Variants in PLEKHM3 observed in about 807,000 individuals in gnomAD.
The protein encoded by PLEKHM3 is pleckstrin homology domain containing M3.
Under a neutral mutation model 81.8 loss-of-function variants are expected in PLEKHM3, and 45 were observed. The observed-to-expected ratio is 0.55, with a 90% CI of 0.43 to 0.71. The LOEUF (loss-of-function observed/expected upper bound fraction) is 0.71, where lower values mean the gene tolerates loss of function less well. Ranked by LOEUF, PLEKHM3 falls within the 30% of genes least tolerant of loss-of-function variation. The probability of loss-of-function intolerance (pLI) is 0.00; values close to 1 mark genes in which losing one functional copy is unlikely to be tolerated. For missense variants in PLEKHM3, 788 were observed against 924.3 expected, an observed-to-expected ratio of 0.85 and a Z score of 1.91; for synonymous variants, 352 against 356.4, an observed-to-expected ratio of 0.99 and a Z score of 0.14.
chr2:207,864,283 A>C lies in PLEKHM3; in HGVS notation c.1951-3021T>G, dbSNP rs375351128. On this transcript the variant is annotated intron_variant, in intron 6 of 7. Transcript: ENST00000427836. ...TCTCTGAGGAACCATTAACTCCAATAAACCCCAGTAAGGCATGCTCCTAAT... is the reference window on the plus strand; with the variant it reads ...TCTCTGAGGAACCATTAACTCCAATCAACCCCAGTAAGGCATGCTCCTAAT... Among the ~76,000 whole-genome samples, 84 of 152,334 alleles carry C rather than the reference A, an allele frequency of 5.5e-4. 1 individual carries two copies. The highest frequency in any genetic ancestry group is 2.0e-3 in the African/African-American group (82 of 41,582).
intron 6 of PLEKHM3, among the ~76,000 whole-genome samples, chr2:207,885,321 C>T (rs1329398404): frequency 3.3e-5 from 5 of 152,230 alleles, no homozygotes; most frequent in Admixed American, 3.3e-4. Context: ...TGCCTTGAAG[C>T]TTCCTGGAGT....
chr2:207,977,527 G>T lies in PLEKHM3; in HGVS notation c.670C>A (p.His224Asn). 1 of 1,613,944 alleles carries T rather than the reference G, an allele frequency of 6.2e-7. No individual in the cohort carries two copies. Among genetic ancestry groups the T allele is most frequent in the Non-Finnish European group, 8.5e-7 (1 of 1,179,938 alleles). Residue 224 changes from histidine to asparagine, a missense_variant, in exon 3 of 8, where the codon CAT becomes AAT. Transcript: ENST00000427836. ...KKGYLEIRKDHDSYWQSCYAE... is the reference protein window; with the variant it reads ...KKGYLEIRKDNDSYWQSCYAE... The stretch of plus-strand genomic sequence containing the variant: ...TAACAGCTTTGCCAGTAACTGTCAT[G>T]GTCCTTTCTAATCTCCAGGTAACCC...
intron 2 of PLEKHM3, among the ~76,000 whole-genome samples, chr2:207,986,838 A>ATTTTTTT (rs370986896): frequency 7.9e-6 from 1 of 126,300 alleles, no homozygotes; most frequent in Non-Finnish European, 1.6e-5. Context: ...TGCCCAGCTA[A>ATTTTTTT]TTTTTTTTTT....
At chr2:207,889,061 C>T (rs1687969481) in intron 6 of PLEKHM3, among the ~76,000 whole-genome samples, 1 of 152,018 alleles carries the variant, frequency 6.6e-6, no homozygotes, top group South Asian at 2.1e-4. Context: ...TGGATCTGTC[C>T]AATTACTTTG....
intron 3 of PLEKHM3, among the ~76,000 whole-genome samples, chr2:207,956,395 C>T (rs1473277009): frequency 1.3e-5 from 2 of 152,016 alleles, no homozygotes; most frequent in Non-Finnish European, 2.9e-5. Flanking sequence ...ATCACCTGAA[C>T]CCAGGAGGCG....
chr2:208,004,129 A>G (rs1477096892), intron 1 of PLEKHM3, among the ~76,000 whole-genome samples: 2 of 152,166 alleles, frequency 1.3e-5, no homozygotes, highest in African/African-American at 4.8e-5. Flanking sequence ...GGTTAGAAGT[A>G]TATAACAGGC....
intron 1 of PLEKHM3, among the ~76,000 whole-genome samples, chr2:208,021,064 T>G (rs1291558212): frequency 6.6e-6 from 1 of 152,216 alleles, no homozygotes; most frequent in African/African-American, 2.4e-5. Flanking sequence ...ATGAATGACT[T>G]CAAGTCTTAA....
chr2:207,910,611 G>T (rs1688780348), intron 5 of PLEKHM3, among the ~76,000 whole-genome samples: 2 of 152,154 alleles, frequency 1.3e-5, no homozygotes, highest in Non-Finnish European at 2.9e-5. Context: ...TTGGGGCTGG[G>T]GGTAGGGAAA....
chr2:207,940,386 C>A (rs758783851), intron 4 of PLEKHM3, among the ~76,000 whole-genome samples: 7 of 152,186 alleles, frequency 4.6e-5, no homozygotes, highest in Non-Finnish European at 1.0e-4. Flanking sequence ...CTGTTCTAAT[C>A]ATGACACATG....
intron 7 of PLEKHM3, among the ~76,000 whole-genome samples, chr2:207,846,968 A>G (rs981449803): frequency 7.2e-5 from 11 of 152,172 alleles, no homozygotes; most frequent in Admixed American, 5.9e-4. Context: ...TTAGTTTTAT[A>G]GTTAGAAAGT....
At chr2:207,939,926 G>A (rs193263680) in intron 4 of PLEKHM3, among the ~76,000 whole-genome samples, 3 of 152,344 alleles carry the variant, frequency 2.0e-5, no homozygotes, top group African/African-American at 4.8e-5. Flanking sequence ...CGTAGGTGTG[G>A]CAGACGGAGG....
At chr2:207,862,509 G>GTA (rs2092473105) in intron 6 of PLEKHM3, among the ~76,000 whole-genome samples, 3 of 152,010 alleles carry the variant, frequency 2.0e-5, no homozygotes, top group Non-Finnish European at 4.4e-5. Context: ...GTGGTGGCAG[G>GTA]TGCCTGTAAT....
At chr2:207,929,810 G>T in intron 5 of PLEKHM3, 1 of 615,910 alleles carries the variant, frequency 1.6e-6, no homozygotes, top group Admixed American at 2.6e-5. Flanking sequence ...AGATGCCCGG[G>T]GTTATGTCAG....
At chr2:207,910,072 C>T (rs911891192) in intron 5 of PLEKHM3, among the ~76,000 whole-genome samples, 1 of 152,180 alleles carries the variant, frequency 6.6e-6, no homozygotes, top group African/African-American at 2.4e-5. Context: ...TGCTGGAAAG[C>T]ACTGTTTCAC....
chr2:208,023,418 C>T lies in PLEKHM3; in HGVS notation c.-319+1971G>A, dbSNP rs541943453. 2.0e-5 allele frequency among the ~76,000 whole-genome samples: 3 copies of T among 152,240 alleles called. No homozygotes were observed. The South Asian group carries it at 6.2e-4, about 32-fold the overall frequency. On this transcript the variant is annotated intron_variant, in intron 1 of 7. Transcript: ENST00000427836. ...TTTTGCAAAACTGAAACTCTATACC[C>T]ATTAAACCAGGAGTCCCCAACCCCC... is the stretch of plus-strand genomic sequence containing the variant.
intron 2 of PLEKHM3, among the ~76,000 whole-genome samples, chr2:207,997,031 G>A (rs970221932): frequency 6.6e-6 from 1 of 151,398 alleles, no homozygotes; most frequent in Non-Finnish European, 1.5e-5. Flanking sequence ...ATTACAATGC[G>A]GGTACAGAGT....
intron 3 of PLEKHM3, among the ~76,000 whole-genome samples, chr2:207,954,146 C>CA (rs1279089554): frequency 3.9e-5 from 6 of 152,102 alleles, no homozygotes; most frequent in Non-Finnish European, 8.8e-5. Context: ...ATGATCGCAC[C>CA]ATGGCACTCC....
intron 1 of PLEKHM3, among the ~76,000 whole-genome samples, chr2:208,012,235 G>A (rs1024959879): frequency 6.6e-6 from 1 of 152,036 alleles, no homozygotes; most frequent in Non-Finnish European, 1.5e-5. Flanking sequence ...AGTAGAGACG[G>A]GGTTTCACCG....
intron 2 of PLEKHM3, among the ~76,000 whole-genome samples, chr2:207,982,991 G>T (rs1486387260): frequency 1.3e-5 from 2 of 151,890 alleles, no homozygotes; most frequent in Non-Finnish European, 2.9e-5. Flanking sequence ...TTATCAGTAA[G>T]GTTTCTGGTC....
Sources: allele counts gnomAD v4.1 joint callset (sites outside exome capture counted in the v4.1 genomes callset), GRCh38; gene constraint gnomAD v4.1.1; transcripts MANE v1.5; gene names NCBI Gene and HGNC (gene_info 2026-07-23, HGNC 2026-07-21).